The following RBFOX1 variants were observed in gnomAD, a reference collection of about 807,000 sequenced individuals.
The protein encoded by RBFOX1 is RNA binding protein fox-1 homolog 1.
In RBFOX1, 8 loss-of-function variants were observed where a neutral mutation model predicts 57.7. The ratio of observed to expected loss-of-function variants is 0.14; its 90% CI spans 0.08 to 0.25. The LOEUF (loss-of-function observed/expected upper bound fraction) is 0.25. Ranked by LOEUF, RBFOX1 falls within the 10% of genes least tolerant of loss-of-function variation. The probability of loss-of-function intolerance (pLI) is 1.00; values close to 1 mark genes in which losing one functional copy is unlikely to be tolerated. For missense variants in RBFOX1, 611 were observed against 548.5 expected (o/e 1.11, Z -1.14); for synonymous variants, 326 against 222.4 (o/e 1.47, Z -4.15).
intron 4 of RBFOX1, among the ~76,000 whole-genome samples, chr16:7,271,643 CA>C (rs2153116515): frequency 6.6e-6 from 1 of 152,160 alleles, no homozygotes; most frequent in East Asian, 1.9e-4. Context: ...TAACCAAGAC[CA>C]TCTGATGTAC....
At chr16:7,184,631 C>G (rs1040097491) in intron 4 of RBFOX1, among the ~76,000 whole-genome samples, 5 of 152,158 alleles carry the variant, frequency 3.3e-5, no homozygotes, top group African/African-American at 9.7e-5. Context: ...AGAGCAGTCA[C>G]AGTATACCAT....
At chr16:5,620,041 C>G (rs978552917) in intron 3 of RBFOX1, among the ~76,000 whole-genome samples, 5 of 151,416 alleles carry the variant, frequency 3.3e-5, no homozygotes, top group African/African-American at 1.2e-4. Context: ...GACCTGAACT[C>G]ATGACACCTT....
At chr16:6,162,190 T>C (rs925761627) in intron 1 of RBFOX1, among the ~76,000 whole-genome samples, 3 of 152,222 alleles carry the variant, frequency 2.0e-5, no homozygotes, top group African/African-American at 7.2e-5. Flanking sequence ...TCATCTTGGC[T>C]CACTGCAACT....
intron 3 of RBFOX1, among the ~76,000 whole-genome samples, chr16:6,800,171 T>A (rs1022788273): frequency 3.3e-5 from 5 of 152,106 alleles, no homozygotes; most frequent in Non-Finnish European, 7.4e-5. Context: ...ACATCCAGTT[T>A]TGATCAACAG....
intron 3 of RBFOX1, among the ~76,000 whole-genome samples, chr16:6,873,311 C>G (rs566683955): frequency 1.3e-5 from 2 of 152,114 alleles, no homozygotes; most frequent in South Asian, 4.1e-4. Flanking sequence ...CTTGAGCTTC[C>G]TTATGTTGGA....
At chr16:7,158,967 T>C (rs2077717077) in intron 4 of RBFOX1, among the ~76,000 whole-genome samples, 1 of 152,084 alleles carries the variant, frequency 6.6e-6, no homozygotes, top group African/African-American at 2.4e-5. Flanking sequence ...AGTGAAGATA[T>C]ACAACAGTTC....
chr16:7,497,180 A>G (rs1163346526), intron 4 of RBFOX1, among the ~76,000 whole-genome samples: 1 of 152,192 alleles, frequency 6.6e-6, no homozygotes, highest in Non-Finnish European at 1.5e-5. Context: ...AAACTACTTT[A>G]TGTGTCATTT....
chr16:6,066,116 A>G (rs1398782573), intron 1 of RBFOX1, among the ~76,000 whole-genome samples: 3 of 151,974 alleles, frequency 2.0e-5, no homozygotes, highest in Non-Finnish European at 1.5e-5. Flanking sequence ...CAACACGGTG[A>G]AACCCCCTCT....
intron 4 of RBFOX1, among the ~76,000 whole-genome samples, chr16:7,472,926 T>C (rs1333480164): frequency 2.0e-5 from 3 of 151,614 alleles, no homozygotes; most frequent in African/African-American, 7.3e-5. Context: ...ATCACAGGTT[T>C]AGACGTCTGA....
chr16:5,269,749 G>A (rs2151119382), intron 1 of RBFOX1, among the ~76,000 whole-genome samples: 1 of 152,308 alleles, frequency 6.6e-6, no homozygotes, highest in East Asian at 1.9e-4. Context: ...TTCTAAAATT[G>A]ACTAGTAATG....
chr16:5,591,559 GC>G (rs1255389817), intron 2 of RBFOX1, among the ~76,000 whole-genome samples: 1 of 152,050 alleles, frequency 6.6e-6, no homozygotes, highest in African/African-American at 2.4e-5. Context: ...TCCAAAATGA[GC>G]CTTTTAAAAA....
chr16:6,649,203 C>G (rs1487658869), intron 2 of RBFOX1, among the ~76,000 whole-genome samples: 1 of 152,194 alleles, frequency 6.6e-6, no homozygotes, highest in Admixed American at 6.5e-5. Flanking sequence ...ATTTGTCTTT[C>G]TGTAACTAGC....
intron 4 of RBFOX1, among the ~76,000 whole-genome samples, chr16:7,270,908 C>T (rs1005641835): frequency 6.6e-6 from 1 of 152,228 alleles, no homozygotes; most frequent in African/African-American, 2.4e-5. Context: ...GGAGAATCCC[C>T]TTTCCATCAT....
intron 11 of RBFOX1, among the ~76,000 whole-genome samples, chr16:7,648,619 C>T (rs570987203): frequency 2.6e-5 from 4 of 152,150 alleles, no homozygotes; most frequent in African/African-American, 9.6e-5. Flanking sequence ...TTCTATTGTT[C>T]CTGGTTGCAC....
chr16:6,410,330 C>T (rs1435785945), intron 2 of RBFOX1, among the ~76,000 whole-genome samples: 1 of 110,296 alleles, frequency 9.1e-6, no homozygotes, highest in Non-Finnish European at 1.7e-5. Context: ...TTTTTTGAGA[C>T]AGAGTCTTGC....
At chr16:5,883,550 T>C (rs915723782) in intron 4 of RBFOX1, among the ~76,000 whole-genome samples, 3 of 152,152 alleles carry the variant, frequency 2.0e-5, no homozygotes, top group Non-Finnish European at 4.4e-5. Flanking sequence ...TGGACTGCTC[T>C]AATTGTTTTG....
intron 3 of RBFOX1, among the ~76,000 whole-genome samples, chr16:7,005,960 C>A (rs116928580): frequency 2.6e-5 from 4 of 152,108 alleles, no homozygotes; most frequent in African/African-American, 9.7e-5. Context: ...ATTCTTTAAC[C>A]CCTACTCAGG....
intron 1 of RBFOX1, among the ~76,000 whole-genome samples, chr16:6,183,377 G>A (rs1407522003): frequency 6.6e-6 from 1 of 151,940 alleles, no homozygotes; most frequent in Non-Finnish European, 1.5e-5. Flanking sequence ...CTACTCTGGA[G>A]GCTGAGGCAG....
chr16:6,052,366 G>C (rs138209533), intron 1 of RBFOX1, among the ~76,000 whole-genome samples: 1 of 152,076 alleles, frequency 6.6e-6, no homozygotes, highest in Non-Finnish European at 1.5e-5. Flanking sequence ...TCTTTTTTGT[G>C]ATGACTTCCA....
Sources: allele counts gnomAD v4.1 joint callset (sites outside exome capture counted in the v4.1 genomes callset), GRCh38; gene constraint gnomAD v4.1.1; transcripts MANE v1.5; gene names NCBI Gene and HGNC (gene_info 2026-07-23, HGNC 2026-07-21).